Variants in IQGAP3 observed in about 807,000 individuals in gnomAD.
The protein encoded by IQGAP3 is IQ motif containing GTPase activating protein 3, also known as ras GTPase-activating-like protein IQGAP3.
In IQGAP3, 165 loss-of-function variants were observed where a neutral mutation model predicts 208.2. The observed-to-expected ratio is 0.79, with a 90% CI of 0.70 to 0.90. The LOEUF is 0.90. Ranked by LOEUF, IQGAP3 falls within the 40% of genes least tolerant of loss-of-function variation. IQGAP3 has a pLI of 0.00. For synonymous variants in IQGAP3, 703 were observed against 803.6 expected, an observed-to-expected ratio of 0.87 and a Z score of 2.12; for missense variants, 1,811 against 2,043.1, an observed-to-expected ratio of 0.89 and a Z score of 2.19.
chr1:156,561,730 C>T, intron 10 of IQGAP3, 108 bp downstream of exon 10: 1 of 1,088,826 alleles, frequency 9.2e-7, no homozygotes. Context: ...AACACGTAGT[C>T]AGCACTTACA....
chr1:156,551,146 A>G (rs1428420367), intron 15 of IQGAP3, among the ~76,000 whole-genome samples: 6 of 152,192 alleles, frequency 3.9e-5, no homozygotes, highest in African/African-American at 1.2e-4. Context: ...CTTACACCCC[A>G]TAACTATGAG....
At chr1:156,551,664 C>T in intron 15 of IQGAP3, 41 bp downstream of exon 15, 1 of 1,574,090 alleles carries the variant, frequency 6.4e-7, no homozygotes, top group Non-Finnish European at 8.6e-7. Context: ...AGAGAATGTT[C>T]TTCCTGCTCT....
intron 22 of IQGAP3, among the ~76,000 whole-genome samples, chr1:156,543,545 A>G (rs1014516539): frequency 6.6e-6 from 1 of 152,156 alleles, no homozygotes; most frequent in Non-Finnish European, 1.5e-5. Context: ...GCACCCAACT[A>G]ATGGGGAATA....
chr1:156,539,948 C>T lies in IQGAP3; in HGVS notation c.2782G>A (p.Glu928Lys). The T allele has an allele frequency of 6.2e-7, 1 of 1,614,096 alleles. No homozygotes were observed. Among genetic ancestry groups the T allele is most frequent in the South Asian group, 1.1e-5 (1 of 91,080 alleles). The change falls in exon 24 of 38, where the codon GAA (glutamate) becomes AAA (lysine). Residue 928 changes from glutamate (E) to lysine (K), a missense_variant. Transcript: ENST00000361170. ...HCKKLTKRNK[E>K]QLSDMMVLDK... ...AGAACCATCATATCTGACAGCTGTT[C>T]CTTATTCCTCTTGGTCAGCTTCTTG...
intron 19 of IQGAP3, among the ~76,000 whole-genome samples, chr1:156,547,063 G>A (rs190785305): frequency 6.6e-6 from 1 of 152,308 alleles, no homozygotes; most frequent in Non-Finnish European, 1.5e-5. Context: ...CCTCCACGAG[G>A]CCCTCCAGAT....
chr1:156,534,731 C>T lies in IQGAP3; in HGVS notation c.3510G>A (p.Val1170=). The T allele has an allele frequency of 6.5e-7, 1 of 1,542,906 alleles. No homozygotes were observed. The highest frequency in any genetic ancestry group is 8.7e-7 in the Non-Finnish European group (1 of 1,145,870). Reference sequence around the variant, plus strand: ...AGCGGTAGTACAGGAGGTTCCCGACCACCTGAGGGCAAAGGAGACTCTCCC... The same window carrying T: ...AGCGGTAGTACAGGAGGTTCCCGACTACCTGAGGGCAAAGGAGACTCTCCC... ...PDATDSEVYK[V]VGNLLYYRFL... is the part of the protein sequence containing the mutation. Residue 1170 remains valine, a splice_region_variant and synonymous_variant, in exon 29 of 38, where the codon GTG becomes GTA. Coordinates refer to ENST00000361170, the MANE Select transcript of IQGAP3 (RefSeq NM_178229.5).
chr1:156,528,352 T>C (rs1026788666), intron 36 of IQGAP3, among the ~76,000 whole-genome samples, 157 bp downstream of exon 36: 2 of 152,196 alleles, frequency 1.3e-5, no homozygotes, highest in Non-Finnish European at 2.9e-5. Flanking sequence ...AGCCCTTCAC[T>C]TTCTGTCTGG....
At chr1:156,560,281 G>A (rs1676084280) in intron 11 of IQGAP3, among the ~76,000 whole-genome samples, 1 of 152,134 alleles carries the variant, frequency 6.6e-6, no homozygotes, top group East Asian at 1.9e-4. Flanking sequence ...GGAGGCCAAG[G>A]TAGGCAGATC....
rs761919172 is a variant in IQGAP3 at position 156,526,574 on chromosome 1, C to T, written c.4808G>A (p.Gly1603Asp). Residue 1603 changes from glycine to aspartate, a missense_variant, in exon 38 of 38, where the codon GGT (glycine) becomes GAT (aspartate). By Grantham distance (94) the Gly-to-Asp change is moderately conservative. Transcript: ENST00000361170. The stretch of plus-strand genomic sequence containing the variant: ...GTTGAAGAGTTTCATGACAGCCACA[C>T]CCTCATACTGGAGCTGCAGGAGATC... ...YQDLLQLQYE[G>D]VAVMKLFNKA... 3.1e-6 allele frequency: 5 copies of T among 1,613,876 alleles called. No individual in the cohort carries two copies. Among genetic ancestry groups the T allele is most frequent in the East Asian group, 2.2e-5 (1 of 44,892 alleles).
In IQGAP3 at chr1:156,552,013, C is replaced by T. The variant is rs373682054; in HGVS notation, c.1531G>A (p.Val511Met). 9.9e-6 allele frequency: 16 copies of T among 1,614,044 alleles called. No individual in the cohort carries two copies. The highest frequency in any genetic ancestry group is 8.0e-5 in the African/African-American group (6 of 74,920). Residue 511 changes from valine to methionine, a missense_variant, in exon 14 of 38, where the codon GTG becomes ATG. By Grantham distance (21) the Val-to-Met change is conservative (BLOSUM62 1). Coordinates refer to ENST00000361170, the MANE Select transcript of IQGAP3 (RefSeq NM_178229.5). ...FLSWNDLQAT[V>M]SQVNAQTQEE... ...TGGGTCTGTGCATTGACCTGGCTCA[C>T]GGTGGCCTGCAGGTCATTCCAGCTC...
At chr1:156,567,441 T>A (rs1676459892) in intron 2 of IQGAP3, among the ~76,000 whole-genome samples, 1 of 152,194 alleles carries the variant, frequency 6.6e-6, no homozygotes, top group Admixed American at 6.5e-5. Context: ...ATTTGCAAAA[T>A]GAGGATAATG....
chr1:156,534,587 G>T lies in IQGAP3; in HGVS notation c.3654C>A (p.His1218Gln). 6.2e-7 allele frequency: 1 copy of T among 1,612,588 alleles called. No homozygotes were observed. Residue 1218 changes from histidine (H) to glutamine (Q), a missense_variant, in exon 29 of 38, where the codon CAC becomes CAA. His to Gln is a conservative substitution (Grantham distance 24, BLOSUM62 0). Coordinates refer to ENST00000361170, the MANE Select transcript of IQGAP3 (RefSeq NM_178229.5). ...ALGAVAQLLQHAAAGKAFSGQ... is the reference protein window; with the variant it reads ...ALGAVAQLLQQAAAGKAFSGQ... ...CAGAGAAGGCCTTGCCAGCCGCAGCGTGCTGTAGGAGCTGAGCCACAGCCC... is the reference window on the plus strand; with the variant it reads ...CAGAGAAGGCCTTGCCAGCCGCAGCTTGCTGTAGGAGCTGAGCCACAGCCC...
chr1:156,557,358 C>G (rs1321192779), intron 11 of IQGAP3, among the ~76,000 whole-genome samples: 1 of 12,524 alleles, frequency 8.0e-5, no homozygotes, highest in African/African-American at 1.3e-4. Context: ...GCCCCCCACC[C>G]GGCCAGCCGC....
intron 22 of IQGAP3, among the ~76,000 whole-genome samples, 187 bp downstream of exon 22, chr1:156,543,794 A>C (rs1432476705): frequency 6.6e-6 from 1 of 152,228 alleles, no homozygotes; most frequent in Admixed American, 6.5e-5. Context: ...TCACGTGACA[A>C]GGCTATCTGT....
At chr1:156,535,022 C>G in intron 28 of IQGAP3, 141 bp downstream of exon 28, 1 of 740,000 alleles carries the variant, frequency 1.4e-6, no homozygotes, top group Non-Finnish European at 2.4e-6. Flanking sequence ...GAGCCAGGCT[C>G]CATTTATAGG....
intron 13 of IQGAP3, among the ~76,000 whole-genome samples, chr1:156,553,808 C>T (rs1027198273): frequency 6.6e-6 from 1 of 152,092 alleles, no homozygotes; most frequent in African/African-American, 2.4e-5. Context: ...CCCAAACTCC[C>T]GACGTCAAGT....
rs1675557513 is a variant in IQGAP3 at position 156,551,750 on chromosome 1, A to C, written c.1689T>G (p.Pro563=). ...CTGCCACAAGGAGGAGATGGTACCGAGGGGCGACAGGGAGGCTGACATCAT... is the reference window on the plus strand; with the variant it reads ...CTGCCACAAGGAGGAGATGGTACCGCGGGGCGACAGGGAGGCTGACATCAT... ...GLDDVSLPVA[P]RYHLLLVAAK... Residue 563 remains proline, a synonymous_variant, in exon 15 of 38, where the codon CCT becomes CCG. Transcript: ENST00000361170. 6.2e-7 allele frequency: 1 copy of C among 1,613,692 alleles called. No individual in the cohort carries two copies. The highest frequency in any genetic ancestry group is 1.3e-5 in the African/African-American group (1 of 74,900).
Position 156,539,451 on chromosome 1 carries a change from C to T in IQGAP3, c.2979G>A (p.Leu993=). 6.2e-7 allele frequency: 1 copy of T among 1,614,114 alleles called. No individual in the cohort carries two copies. The highest frequency in any genetic ancestry group is 8.5e-7 in the Non-Finnish European group (1 of 1,180,000). ...CTCGGCGGCTGGAGGCATAGTTGTACAGGCTGAAAATCACTGCCTCCATGA... is the reference window on the plus strand; with the variant it reads ...CTCGGCGGCTGGAGGCATAGTTGTATAGGCTGAAAATCACTGCCTCCATGA... ...TKFMEAVIFS[L]YNYASSRREA... is the part of the protein sequence containing the mutation. Residue 993 remains leucine, a synonymous_variant, in exon 25 of 38, where the codon CTG becomes CTA. Coordinates refer to ENST00000361170, the MANE Select transcript of IQGAP3 (RefSeq NM_178229.5).
chr1:156,566,148 C>A (rs373484781), intron 3 of IQGAP3, 44 bp from the exon 4 acceptor site: 70 of 1,539,264 alleles, frequency 4.5e-5, no homozygotes, highest in Non-Finnish European at 5.8e-5. Context: ...CAGTTCTCAG[C>A]ACTCCCTATG....
Sources: gnomAD v4.1 joint callset for allele counts (sites outside exome capture counted in the v4.1 genomes callset) on GRCh38, gnomAD v4.1.1 for gene constraint, MANE v1.5 for transcripts, NCBI Gene and HGNC (gene_info 2026-07-23, HGNC 2026-07-21) for gene names.